Variants in NLRP9 observed in about 807,000 individuals in gnomAD.
NLRP9 encodes NACHT, LRR and PYD domains-containing protein 9.
NLRP9 carries 88 observed loss-of-function variants against 83.1 expected under a neutral mutation model. The ratio of observed to expected loss-of-function variants is 1.06; its 90% confidence interval spans 0.89 to 1.26. The LOEUF is 1.26. NLRP9 is among the 50% of genes most tolerant of loss of function. The pLI is 0.00. For synonymous variants in NLRP9, 521 were observed against 447.6 expected (o/e 1.16, Z -2.07); for missense variants, 1,308 against 1,179.3 (o/e 1.11, Z -1.60).
chr19:55,718,862 G>A (rs568436130), intron 4 of NLRP9, among the ~76,000 whole-genome samples: 1 of 152,328 alleles, frequency 6.6e-6, no homozygotes, highest in South Asian at 2.1e-4. Flanking sequence ...ATACCCACAG[G>A]TGTGGAGGGG....
At chr19:55,737,802 G>T (rs1988825624) in intron 1 of NLRP9, among the ~76,000 whole-genome samples, 1 of 148,996 alleles carries the variant, frequency 6.7e-6, no homozygotes, top group African/African-American at 2.5e-5. Flanking sequence ...CAGTAGACCT[G>T]GCAATGCAGA....
At chr19:55,710,454 C>T (rs902680697) in intron 8 of NLRP9, among the ~76,000 whole-genome samples, 9 of 151,984 alleles carry the variant, frequency 5.9e-5, no homozygotes, top group African/African-American at 1.5e-4. Context: ...AATCTGTGTC[C>T]CCACCCAAAT....
intron 1 of NLRP9, among the ~76,000 whole-genome samples, chr19:55,736,378 G>C (rs184258738): frequency 2.0e-5 from 3 of 151,730 alleles, no homozygotes; most frequent in Non-Finnish European, 2.9e-5. Context: ...GCGACAGAGC[G>C]AGACTCCGTC....
chr19:55,726,145 T>C (rs1988396449), intron 3 of NLRP9, among the ~76,000 whole-genome samples: 1 of 152,062 alleles, frequency 6.6e-6, no homozygotes, highest in Admixed American at 6.6e-5. Flanking sequence ...ACCACATTCA[T>C]GAAAGCACCG....
Position 55,711,747 on chromosome 19 carries a change from G to A in NLRP9, c.2843+53C>T, listed in dbSNP as rs1383633320. ...TGTCGCGGTTGAGCAAATGGCCAATGAACTAAGCTCGTTCTGAAGTCACTC... is the reference window on the plus strand; with the variant it reads ...TGTCGCGGTTGAGCAAATGGCCAATAAACTAAGCTCGTTCTGAAGTCACTC... On this transcript the variant is annotated intron_variant, in intron 8 of 8. Coordinates refer to ENST00000332836, the MANE Select transcript of NLRP9 (RefSeq NM_176820.4). The A allele has an allele frequency of 7.6e-6, 12 of 1,571,240 alleles. No homozygotes were observed. In the Middle Eastern group the frequency reaches 6.7e-4, roughly 88 times the overall value.
intron 4 of NLRP9, among the ~76,000 whole-genome samples, chr19:55,718,886 C>G (rs1477085868): frequency 6.6e-6 from 1 of 152,238 alleles, no homozygotes; most frequent in East Asian, 1.9e-4. Context: ...GCCCCCTTCA[C>G]ACTCAGGACC....
chr19:55,713,588 C>T (rs1347046530), intron 6 of NLRP9, among the ~76,000 whole-genome samples: 1 of 133,804 alleles, frequency 7.5e-6, no homozygotes, highest in East Asian at 2.3e-4. Context: ...TCCCTCCTCC[C>T]CTCCTCCTCC....
intron 4 of NLRP9, 133 bp from the exon 5 acceptor site, chr19:55,717,031 T>A (rs1020992679): frequency 3.3e-6 from 2 of 600,150 alleles, no homozygotes; most frequent in Non-Finnish European, 5.6e-6. Context: ...CAGACTCTTT[T>A]TCTTTTTTTT....
At chr19:55,731,530 T>C (rs952859393) in intron 2 of NLRP9, among the ~76,000 whole-genome samples, 20 of 151,760 alleles carry the variant, frequency 1.3e-4, no homozygotes, top group Admixed American at 6.6e-5. Context: ...TCAAGACCAG[T>C]CTGGCTAACA....
intron 6 of NLRP9, among the ~76,000 whole-genome samples, chr19:55,713,100 CCT>C: frequency 6.6e-6 from 1 of 150,530 alleles, no homozygotes; most frequent in East Asian, 2.0e-4. Flanking sequence ...TGTGGCCTCT[CCT>C]CATTATTCTC....
chr19:55,732,508 A>C lies in NLRP9; in HGVS notation c.1323T>G (p.Phe441Leu), dbSNP rs768887694. Residue 441 changes from phenylalanine to leucine, a missense_variant, in exon 2 of 9, where the codon TTT becomes TTG. By Grantham distance (22) the Phe-to-Leu change is conservative. Coordinates refer to ENST00000332836, the MANE Select transcript of NLRP9 (RefSeq NM_176820.4). ...CTTGGATACACAGATGCATGAAGGCAAAACAGTCCCCTCTCCTTTGGAGGA... is the reference window on the plus strand; with the variant it reads ...CTTGGATACACAGATGCATGAAGGCCAAACAGTCCCCTCTCCTTTGGAGGA... ...MRLLQRRGDC[F>L]AFMHLCIQEF... 23 of 1,614,138 alleles carry C rather than the reference A, an allele frequency of 1.4e-5. No homozygotes were observed. The highest frequency in any genetic ancestry group is 8.3e-5 in the Admixed American group (5 of 60,006).
intron 3 of NLRP9, among the ~76,000 whole-genome samples, chr19:55,727,299 T>G (rs937534040): frequency 2.0e-5 from 3 of 152,200 alleles, no homozygotes; most frequent in African/African-American, 7.2e-5. Context: ...TCATCAACAC[T>G]GTGAAGAAGC....
At chr19:55,710,082 G>C (rs934033530) in intron 8 of NLRP9, among the ~76,000 whole-genome samples, 2 of 152,154 alleles carry the variant, frequency 1.3e-5, no homozygotes, top group Non-Finnish European at 2.9e-5. Flanking sequence ...TCAGAGGTAG[G>C]GAAGATGGCT....
At chr19:55,714,010 T>G (rs1987912023) in intron 6 of NLRP9, among the ~76,000 whole-genome samples, 1 of 147,228 alleles carries the variant, frequency 6.8e-6, no homozygotes, top group Non-Finnish European at 1.5e-5. Context: ...ATGTCAATAC[T>G]GAGAATCTAG....
At chr19:55,714,234 T>C (rs1453308471) in intron 6 of NLRP9, among the ~76,000 whole-genome samples, 7 of 152,050 alleles carry the variant, frequency 4.6e-5, no homozygotes, top group Non-Finnish European at 1.0e-4. Context: ...TTGATCATAG[T>C]CCTTCATGTG....
At chr19:55,716,023 G>A (rs145063158) in intron 5 of NLRP9, among the ~76,000 whole-genome samples, 191 of 152,280 alleles carry the variant, frequency 1.3e-3, no homozygotes, top group African/African-American at 4.4e-3. Context: ...TTTCCTTGAC[G>A]ACAGTCAACA....
intron 1 of NLRP9, among the ~76,000 whole-genome samples, chr19:55,734,526 CAT>C (rs34937854): frequency 0.022 from 2,388 of 107,740 alleles, 36 homozygotes; most frequent in African/African-American, 0.063. Context: ...TACACACACA[CAT>C]ATATATATAT....
rs199846148 is a variant in NLRP9 at position 55,731,976 on chromosome 19, G to A, written c.1832+23C>T. On this transcript the variant is annotated intron_variant, in intron 2 of 8. Coordinates refer to ENST00000332836, the MANE Select transcript of NLRP9 (RefSeq NM_176820.4). ...AAACTCCAAGTGTAGTGTGTGGGAC[G>A]GGGGATTAATAGACAGACTCACTCT... is the stretch of plus-strand genomic sequence containing the variant. The A allele has an allele frequency of 1.8e-5, 26 of 1,436,924 alleles. No individual in the cohort carries two copies. The East Asian group carries it at 3.4e-4, about 19-fold the overall frequency. 89.0% of individuals were successfully genotyped at this position (1,436,924 alleles called of 1,614,324 possible).
chr19:55,727,902 T>G (rs1249339316), intron 3 of NLRP9, among the ~76,000 whole-genome samples: 1 of 152,186 alleles, frequency 6.6e-6, no homozygotes, highest in Non-Finnish European at 1.5e-5. Flanking sequence ...ACAATGGCTA[T>G]GATTTATTTC....
Sources: gnomAD v4.1 joint callset for allele counts (sites outside exome capture counted in the v4.1 genomes callset) on GRCh38, gnomAD v4.1.1 for gene constraint, MANE v1.5 for transcripts, NCBI Gene and HGNC (gene_info 2026-07-23, HGNC 2026-07-21) for gene names.